EYS: variants seen among roughly 807,000 people sequenced by gnomAD.
EYS encodes EGF-like photoreceptor maintenance factor.
In EYS, 250 loss-of-function variants were observed where a neutral mutation model predicts 282.1. The ratio of observed to expected loss-of-function variants is 0.89; its 90% CI spans 0.80 to 0.98. EYS has a LOEUF of 0.98. Among genes scored for constraint, EYS ranks in the 50% least tolerant of loss-of-function variants. EYS has a pLI of 0.00. For missense variants in EYS, 4,016 were observed against 3,709.0 expected (o/e 1.08, Z -2.15); for synonymous variants, 1,355 against 1,282.9 (o/e 1.06, Z -1.20).
chr6:64,357,568 G>C (rs999999940), intron 29 of EYS, among the ~76,000 whole-genome samples: 1 of 151,528 alleles, frequency 6.6e-6, no homozygotes, highest in South Asian at 2.1e-4. Flanking sequence ...ATAAAGGGAT[G>C]TGTGTGAACG....
At position 64,381,050 on chromosome 6, in the gene EYS, T is replaced by C. The variant is rs138612800; in HGVS notation, c.6078+7640A>G. ...AAAAAAAAAAAGATTACAACACAGA[T>C]ATTACATGTATAATACCCACAGGTG... On this transcript the variant is annotated intron_variant, in intron 29 of 42. Coordinates refer to ENST00000503581, the MANE Select transcript of EYS (RefSeq NM_001142800.2). Among the ~76,000 whole-genome samples the C allele has an allele frequency of 1.3e-3, 199 of 151,290 alleles. 2 individuals carry two copies. The highest frequency in any genetic ancestry group is 4.6e-3 in the African/African-American group (189 of 41,250).
At position 64,357,618 on chromosome 6, in the gene EYS, C is replaced by T. The variant is rs539539071; in HGVS notation, c.6078+31072G>A. ...TGTTGGGAAAGGAAGCAAAGTGGTT[C>T]AGGCCTAAGTGTTCTGATTCTAGTT... On this transcript the variant is annotated intron_variant, in intron 29 of 42. Coordinates refer to ENST00000503581, the MANE Select transcript of EYS (RefSeq NM_001142800.2). Among the ~76,000 whole-genome samples the T allele has an allele frequency of 3.0e-4, 45 of 151,666 alleles. No homozygotes were observed. The South Asian group carries it at 8.5e-3, about 29-fold the overall frequency.
chr6:63,723,309 A>G lies in EYS; in HGVS notation c.8234-1512T>C, dbSNP rs143660414. Among the ~76,000 whole-genome samples, 587 of 152,320 alleles carry G rather than the reference A, an allele frequency of 3.9e-3. 3 individuals carry two copies. Among genetic ancestry groups the G allele is most frequent in the African/African-American group, 0.012 (510 of 41,588 alleles). On this transcript the variant is annotated intron_variant, in intron 42 of 42. Transcript: ENST00000503581. The stretch of plus-strand genomic sequence containing the variant: ...TCAGATTAGGAAAGAAAAAATATAC[A>G]TTGGGTTATACCACCAAAAACTGGA...
intron 19 of EYS, among the ~76,000 whole-genome samples, chr6:64,884,259 AT>A: frequency 6.6e-6 from 1 of 151,600 alleles, no homozygotes; most frequent in South Asian, 2.1e-4. Flanking sequence ...CACATTTAAT[AT>A]TGTATTTAAT....
chr6:64,960,560 T>G lies in EYS; in HGVS notation c.2260-14646A>C, dbSNP rs548742241. Among the ~76,000 whole-genome samples, 7 of 152,314 alleles carry G rather than the reference T, an allele frequency of 4.6e-5. 1 individual carries two copies. The highest frequency in any genetic ancestry group is 1.3e-4 in the Admixed American group (2 of 15,294). ...AGAGCCAATTGTGATTCAACTTATA[T>G]CTACAATTCTGAGTCTGTTCCCAAA... On this transcript the variant is annotated intron_variant, in intron 14 of 42. Coordinates refer to ENST00000503581, the MANE Select transcript of EYS (RefSeq NM_001142800.2).
At chr6:64,897,742 A>C (rs536822362) in intron 18 of EYS, among the ~76,000 whole-genome samples, 1 of 152,336 alleles carries the variant, frequency 6.6e-6, no homozygotes, top group East Asian at 1.9e-4. Flanking sequence ...TAGAATAACC[A>C]GTTTAGAGAA....
rs554455225 is a variant in EYS, at chr6:65,008,994, T to C, written c.2138-11291A>G. Among the ~76,000 whole-genome samples the C allele has an allele frequency of 9.9e-5, 15 of 152,274 alleles. No individual in the cohort carries two copies. In the East Asian group the frequency reaches 2.5e-3, roughly 26 times the overall value. ...CTCTTTTCACATGCTTTTCTAATTATGCCTGAAAGCCCCAATCCCTTGTTA... is the reference window on the plus strand; with the variant it reads ...CTCTTTTCACATGCTTTTCTAATTACGCCTGAAAGCCCCAATCCCTTGTTA... On this transcript the variant is annotated intron_variant, in intron 13 of 42. Transcript: ENST00000503581.
At chr6:65,404,942 A>T (rs879282981) in intron 6 of EYS, among the ~76,000 whole-genome samples, 1 of 151,982 alleles carries the variant, frequency 6.6e-6, no homozygotes, top group Non-Finnish European at 1.5e-5. Context: ...CAATAAGTAG[A>T]AATGAAGAGT....
At chr6:65,346,400 C>G in intron 9 of EYS, among the ~76,000 whole-genome samples, 1 of 142,810 alleles carries the variant, frequency 7.0e-6, no homozygotes, top group African/African-American at 2.6e-5. Flanking sequence ...TCATTTTACC[C>G]TTATTGAAAA....
chr6:65,335,101 C>T lies in EYS; in HGVS notation c.1645G>A (p.Glu549Lys), dbSNP rs1562103173. 6.2e-7 allele frequency: 1 copy of T among 1,611,910 alleles called. No homozygotes were observed. The highest frequency in any genetic ancestry group is 2.2e-5 in the East Asian group (1 of 44,774). Reference sequence around the variant, plus strand: ...CTGAGAAAACATAGATACCGATATTCCTGACTGTCTTCTTCACTCAAACAA... The same window carrying T: ...CTGAGAAAACATAGATACCGATATTTCTGACTGTCTTCTTCACTCAAACAA... ...CSCLSEEDSQ[E>K]YRYLCFLRWA... is the part of the protein sequence containing the mutation. The change falls in exon 11 of 43, where the codon GAA (glutamate) becomes AAA (lysine). Residue 549 changes from glutamate (E) to lysine (K), a missense_variant. By Grantham distance (56) the Glu-to-Lys change is moderately conservative. Coordinates refer to ENST00000503581, the MANE Select transcript of EYS (RefSeq NM_001142800.2).
intron 36 of EYS, among the ~76,000 whole-genome samples, chr6:63,842,197 A>G (rs1771978781): frequency 1.3e-5 from 2 of 152,204 alleles, no homozygotes; most frequent in Admixed American, 1.3e-4. Flanking sequence ...TGGCTTCCAC[A>G]ATGGTTGAAC....
At chr6:63,922,470 G>A (rs1211377288) in intron 35 of EYS, among the ~76,000 whole-genome samples, 2 of 152,154 alleles carry the variant, frequency 1.3e-5, no homozygotes, top group Non-Finnish European at 2.9e-5. Flanking sequence ...GGCTGAGGCA[G>A]GAGAATCATG....
intron 22 of EYS, chr6:64,733,385 G>A (rs1358937697): frequency 5.7e-6 from 1 of 174,272 alleles, no homozygotes; most frequent in Non-Finnish European, 1.3e-5. Context: ...CCAGGAGCTT[G>A]GTGCTTAACA....
intron 22 of EYS, among the ~76,000 whole-genome samples, chr6:64,650,202 G>GA (rs1181631912): frequency 6.6e-6 from 1 of 151,650 alleles, no homozygotes; most frequent in Non-Finnish European, 1.5e-5. Context: ...CATTCTCAGA[G>GA]AAAATTCAAA....
intron 30 of EYS, among the ~76,000 whole-genome samples, chr6:64,274,786 C>A (rs956677249): frequency 2.6e-5 from 4 of 152,016 alleles, no homozygotes; most frequent in Admixed American, 2.0e-4. Context: ...AGAATGACAG[C>A]CTGATCATGT....
chr6:64,245,907 T>A (rs1766997246), intron 30 of EYS, among the ~76,000 whole-genome samples: 1 of 148,868 alleles, frequency 6.7e-6, no homozygotes, highest in Non-Finnish European at 1.5e-5. Flanking sequence ...TAGTCCCAGC[T>A]ACACGGGAGG....
intron 2 of EYS, among the ~76,000 whole-genome samples, chr6:65,564,100 C>T (rs1769171636): frequency 6.6e-6 from 1 of 152,022 alleles, no homozygotes; most frequent in African/African-American, 2.4e-5. Flanking sequence ...GAACTACAAA[C>T]CACTGCTCAA....
intron 29 of EYS, among the ~76,000 whole-genome samples, chr6:64,355,895 C>G (rs187446746): frequency 3.5e-4 from 53 of 151,668 alleles, no homozygotes; most frequent in African/African-American, 1.2e-3. Context: ...AGATTTCCAG[C>G]TCAGGGAATC....
At chr6:64,101,902 G>A (rs1050733122) in intron 31 of EYS, among the ~76,000 whole-genome samples, 2 of 151,930 alleles carry the variant, frequency 1.3e-5, no homozygotes, top group Non-Finnish European at 2.9e-5. Context: ...CTCATAGGGA[G>A]TGTGCAACCT....
Sources: allele counts gnomAD v4.1 joint callset (sites outside exome capture counted in the v4.1 genomes callset), GRCh38; gene constraint gnomAD v4.1.1; transcripts MANE v1.5; gene names NCBI Gene and HGNC (gene_info 2026-07-23, HGNC 2026-07-21).